The following SPDEF variants were observed in gnomAD, a reference collection of about 807,000 sequenced individuals.
The protein encoded by SPDEF is SAM pointed domain containing ETS transcription factor.
In SPDEF, 12 loss-of-function variants were observed where a neutral mutation model predicts 36.0. The ratio of observed to expected loss-of-function variants is 0.33; its 90% CI spans 0.21 to 0.54. The LOEUF is 0.54. Among genes scored for constraint, SPDEF ranks in the 20% least tolerant of loss-of-function variants. The pLI, the probability that SPDEF is intolerant of heterozygous loss-of-function variation, is 0.93. For missense variants in SPDEF, 388 were observed against 456.9 expected, an observed-to-expected ratio of 0.85 and a Z score of 1.37; for synonymous variants, 205 against 193.0, an observed-to-expected ratio of 1.06 and a Z score of -0.51.
rs777742279 is a variant in SPDEF, at chr6:34,555,618, C to A, written c.-30+311G>T. ...ACTGGCTGGGTCTCAGGGGCCGGGG[C>A]TCTGCATCTGCACGGCGGCCTCCCC... On this transcript the variant is annotated intron_variant, in intron 1 of 5. Coordinates refer to ENST00000374037, the MANE Select transcript of SPDEF (RefSeq NM_012391.3). The surrounding 1 kb of genome is among the most constrained non-coding windows in gnomAD (Gnocchi z 5.2). 1.3e-5 allele frequency among the ~76,000 whole-genome samples: 2 copies of A among 151,328 alleles called. No individual in the cohort carries two copies. The highest frequency in any genetic ancestry group is 2.0e-4 in the East Asian group (1 of 5,116).
intron 2 of SPDEF, among the ~76,000 whole-genome samples, chr6:34,542,741 T>G (rs2127284640): frequency 6.6e-6 from 1 of 151,676 alleles, no homozygotes; most frequent in East Asian, 1.9e-4. Flanking sequence ...AATATAAAAA[T>G]TAGCAGGGTG....
intron 3 of SPDEF, among the ~76,000 whole-genome samples, chr6:34,540,392 C>T (rs1295611905): frequency 6.6e-6 from 1 of 150,730 alleles, no homozygotes; most frequent in African/African-American, 2.5e-5. Context: ...CAGTGTAATA[C>T]TCTGCTACTA....
rs1248965595 is a variant in SPDEF, at chr6:34,552,471, GA to G, written c.-30+3457del. Among the ~76,000 whole-genome samples, 1 of 152,248 alleles carries G rather than the reference GA, an allele frequency of 6.6e-6. No individual in the cohort carries two copies. Among genetic ancestry groups the G allele is most frequent in the African/African-American group, 2.4e-5 (1 of 41,472 alleles). ...GTCACCAGGCAGGACAGCGATGTGA[GA>G]AGGCTTCACTGTCTCCCGAGAGGTG... On this transcript the variant is annotated intron_variant, in intron 1 of 5. Coordinates refer to ENST00000374037, the MANE Select transcript of SPDEF (RefSeq NM_012391.3). This position sits in a 1 kb window ranked among gnomAD's most constrained non-coding sequence, Gnocchi z 4.6.
rs199945815 is a variant in SPDEF at position 34,544,384 on chromosome 6, C to T, written c.72G>A (p.Ser24=). ...SHLLLPPDTV[S]RTGLEKAAAG... ...CTGCCGCCTTCTCCAAGCCTGTCCG[C>T]GACACCGTGTCGGGGGGCAGCAGGA... Residue 24 remains serine, a synonymous_variant, in exon 2 of 6, where the codon TCG becomes TCA. Coordinates refer to ENST00000374037, the MANE Select transcript of SPDEF (RefSeq NM_012391.3). This position sits in a 1 kb window ranked among gnomAD's most constrained non-coding sequence, Gnocchi z 4.4. The T allele has an allele frequency of 3.0e-4, 486 of 1,596,082 alleles. No homozygotes were observed. Among genetic ancestry groups the T allele is most frequent in the Non-Finnish European group, 3.7e-4 (433 of 1,170,278 alleles).
chr6:34,540,671 A>G (rs1767799300), intron 3 of SPDEF, among the ~76,000 whole-genome samples: 1 of 152,222 alleles, frequency 6.6e-6, no homozygotes, highest in Admixed American at 6.5e-5. Flanking sequence ...AAATTTTAAA[A>G]GGAAAAAGGA....
Position 34,544,364 on chromosome 6 carries a change from GC to G in SPDEF, c.91del (p.Ala31ArgfsTer82). 6.2e-7 allele frequency: 1 copy of G among 1,601,992 alleles called. No individual in the cohort carries two copies. Among genetic ancestry groups the G allele is most frequent in the Non-Finnish European group, 8.5e-7 (1 of 1,176,224 alleles). ...DTVSRTGLEK[A>X]AAGAVGLERR... ...CTCGAGACCCACTGCCCCCGCTGCCGCCTTCTCCAAGCCTGTCCGCGACACC... is the reference window on the plus strand; with the variant it reads ...CTCGAGACCCACTGCCCCCGCTGCCGCTTCTCCAAGCCTGTCCGCGACACC... On this transcript the variant is annotated frameshift_variant, in exon 2 of 6. Transcript: ENST00000374037. LOFTEE classifies it high-confidence loss of function. This position sits in a 1 kb window ranked among gnomAD's most constrained non-coding sequence, Gnocchi z 4.4.
chr6:34,541,741 T>C (rs1767827241), intron 2 of SPDEF, among the ~76,000 whole-genome samples: 1 of 152,150 alleles, frequency 6.6e-6, no homozygotes, highest in South Asian at 2.1e-4. Flanking sequence ...TCCAGGCACA[T>C]GTGTTGAATA....
chr6:34,555,272 C>G lies in SPDEF; in HGVS notation c.-30+657G>C, dbSNP rs937477867. Among the ~76,000 whole-genome samples, 2 of 152,124 alleles carry G rather than the reference C, an allele frequency of 1.3e-5. No individual in the cohort carries two copies. Among genetic ancestry groups the G allele is most frequent in the African/African-American group, 2.4e-5 (1 of 41,414 alleles). On this transcript the variant is annotated intron_variant, in intron 1 of 5. Transcript: ENST00000374037. The surrounding 1 kb of genome is among the most constrained non-coding windows in gnomAD (Gnocchi z 5.2). ...CTTAGAAATGAGCACCTTCGAGGTA[C>G]TGCTACTGTTGCTTTCCTTGTGTGC...
chr6:34,552,407 CAG>C lies in SPDEF; in HGVS notation c.-30+3520_-30+3521del, dbSNP rs1768081140. Reference sequence around the variant, plus strand: ...GGCCTCAGCCTCTTCAGCAGTGAAACAGGGACTCATAAAGACAGCTGTGTGTC... The same window carrying C: ...GGCCTCAGCCTCTTCAGCAGTGAAACGGACTCATAAAGACAGCTGTGTGTC... On this transcript the variant is annotated intron_variant, in intron 1 of 5. Coordinates refer to ENST00000374037, the MANE Select transcript of SPDEF (RefSeq NM_012391.3). The surrounding 1 kb of genome is among the most constrained non-coding windows in gnomAD (Gnocchi z 4.6). Among the ~76,000 whole-genome samples, 1 of 152,238 alleles carries C rather than the reference CAG, an allele frequency of 6.6e-6. No homozygotes were observed. Among genetic ancestry groups the C allele is most frequent in the Admixed American group, 6.5e-5 (1 of 15,288 alleles).
intron 1 of SPDEF, among the ~76,000 whole-genome samples, chr6:34,545,391 C>T (rs1008439699): frequency 5.9e-5 from 9 of 152,396 alleles, no homozygotes; most frequent in African/African-American, 2.2e-4. Flanking sequence ...CTGCTCCTCA[C>T]TGCTGCCCCA....
intron 2 of SPDEF, 111 bp downstream of exon 2, chr6:34,543,909 G>A: frequency 9.3e-7 from 1 of 1,073,972 alleles, no homozygotes; most frequent in Middle Eastern, 2.5e-4. Context: ...AGCTGCCCGA[G>A]GCTGGGCCAG....
chr6:34,537,841 C>G lies in SPDEF; in HGVS notation c.*433G>C, dbSNP rs184186198. The G allele has an allele frequency of 6.0e-6, 1 of 165,568 alleles. No individual in the cohort carries two copies. Among genetic ancestry groups the G allele is most frequent in the East Asian group, 1.7e-4 (1 of 5,984 alleles). 10.3% of individuals were successfully genotyped at this position (165,568 alleles called of 1,614,324 possible). A position where few individuals can be genotyped will look rare whatever the true frequency, so the allele number is the denominator to read the frequency against. On this transcript the variant is annotated 3_prime_UTR_variant, in exon 6 of 6. Transcript: ENST00000374037. Reference sequence around the variant, plus strand: ...TCTTTATTATCCATTCCCGGGGGCACTCCTGGCTGCCCAACTCAGGGGTGC... The same window carrying G: ...TCTTTATTATCCATTCCCGGGGGCAGTCCTGGCTGCCCAACTCAGGGGTGC...
intron 1 of SPDEF, among the ~76,000 whole-genome samples, chr6:34,554,688 C>T (rs527985443): frequency 6.6e-6 from 1 of 152,382 alleles, no homozygotes; most frequent in Admixed American, 6.5e-5. Context: ...GCTCTGGCCC[C>T]TCTTGCAGGT....
rs1767743662 is a variant in SPDEF, at chr6:34,538,535, C to T, written c.830-83G>A. On this transcript the variant is annotated intron_variant, in intron 5 of 5. Coordinates refer to ENST00000374037, the MANE Select transcript of SPDEF (RefSeq NM_012391.3). The surrounding 1 kb of genome is among the most constrained non-coding windows in gnomAD (Gnocchi z 5.9). ...AAGACGCAGACCACCAGGTCAGCCT[C>T]GTGGCGAACCAAGGGACCCCGTGCA... The T allele has an allele frequency of 1.5e-5, 21 of 1,430,800 alleles. No individual in the cohort carries two copies. Among genetic ancestry groups the T allele is most frequent in the Non-Finnish European group, 1.9e-5 (20 of 1,055,288 alleles). The allele number at this position is 1,430,800 out of a possible 1,614,324, so 88.6% of individuals were successfully genotyped here. A position where few individuals can be genotyped will look rare whatever the true frequency, so the allele number is the denominator to read the frequency against.
chr6:34,544,218 C>A lies in SPDEF; in HGVS notation c.238G>T (p.Ala80Ser). 1 of 1,613,848 alleles carries A rather than the reference C, an allele frequency of 6.2e-7. No homozygotes were observed. Among genetic ancestry groups the A allele is most frequent in the Non-Finnish European group, 8.5e-7 (1 of 1,179,954 alleles). Reference sequence around the variant, plus strand: ...TCAGGTGGCTCCTCCCGACTGCTGGCCCCAGGGGCCTTGGCTGCCCAGCTG... The same window carrying A: ...TCAGGTGGCTCCTCCCGACTGCTGGACCCAGGGGCCTTGGCTGCCCAGCTG... ...DSSWAAKAPG[A>S]SSREEPPEEP... is the part of the protein sequence containing the mutation. The change falls in exon 2 of 6, where the codon GCC (alanine) becomes TCC (serine). Residue 80 changes from alanine (A) to serine (S), a missense_variant. This residue lies in a region of SPDEF where 308 missense variants were observed against 326.1 expected (regional missense o/e 0.94). Coordinates refer to ENST00000374037, the MANE Select transcript of SPDEF (RefSeq NM_012391.3). The surrounding 1 kb of genome is among the most constrained non-coding windows in gnomAD (Gnocchi z 4.4).
At position 34,552,954 on chromosome 6, in the gene SPDEF, GA is replaced by G. The variant is rs1343904664; in HGVS notation, c.-30+2974del. ...AAAGCAACTTGCTACCCCAGGAGCA[GA>G]GAGGCCTGGGCCTTGCCCCGCAACC... On this transcript the variant is annotated intron_variant, in intron 1 of 5. Coordinates refer to ENST00000374037, the MANE Select transcript of SPDEF (RefSeq NM_012391.3). This position sits in a 1 kb window ranked among gnomAD's most constrained non-coding sequence, Gnocchi z 4.6. 1.3e-5 allele frequency among the ~76,000 whole-genome samples: 2 copies of G among 152,190 alleles called. No individual in the cohort carries two copies. Among genetic ancestry groups the G allele is most frequent in the African/African-American group, 4.8e-5 (2 of 41,450 alleles).
intron 1 of SPDEF, among the ~76,000 whole-genome samples, chr6:34,554,038 G>A (rs754419626): frequency 1.9e-4 from 29 of 151,974 alleles, no homozygotes; most frequent in Admixed American, 3.3e-4. Flanking sequence ...ACAGGCAATA[G>A]CCTTGTCTAA....
At chr6:34,545,068 C>T (rs887086485) in intron 1 of SPDEF, among the ~76,000 whole-genome samples, 1 of 152,174 alleles carries the variant, frequency 6.6e-6, no homozygotes, top group African/African-American at 2.4e-5. Context: ...CCTTGCCCTC[C>T]CACAGGGCTA....
At chr6:34,542,783 A>C (rs922182963) in intron 2 of SPDEF, among the ~76,000 whole-genome samples, 2 of 150,720 alleles carry the variant, frequency 1.3e-5, no homozygotes, top group Non-Finnish European at 3.0e-5. Flanking sequence ...CCAGCTTCTC[A>C]GGAGGCTGAG....
Sources: gnomAD v4.1 joint callset for allele counts (sites outside exome capture counted in the v4.1 genomes callset) on GRCh38, gnomAD v4.1.1 for gene constraint, gnomAD v4.1.1 regional missense constraint, Gnocchi (gnomAD v3.1) non-coding constraint, MANE v1.5 for transcripts, NCBI Gene and HGNC (gene_info 2026-07-23, HGNC 2026-07-21) for gene names.